Variants in MEGF9 observed in about 807,000 individuals in gnomAD.
MEGF9 encodes multiple epidermal growth factor-like domains protein 9.
Under a neutral mutation model 46.8 loss-of-function variants are expected in MEGF9, and 6 were observed. The observed-to-expected ratio is 0.13, with a 90% CI of 0.07 to 0.25. The LOEUF is 0.25. Among genes scored for constraint, MEGF9 ranks in the 10% least tolerant of loss-of-function variants. The probability of loss-of-function intolerance (pLI) is 1.00; values close to 1 mark genes in which losing one functional copy is unlikely to be tolerated. For missense variants in MEGF9, 683 were observed against 792.4 expected (o/e 0.86, Z 1.66); for synonymous variants, 302 against 330.7 (o/e 0.91, Z 0.94).
At chr9:120,656,452 C>T (rs140964649) in intron 2 of MEGF9, among the ~76,000 whole-genome samples, 264 of 143,186 alleles carry the variant, frequency 1.8e-3, no homozygotes, top group African/African-American at 6.4e-3. Context: ...GAGCCTCAGG[C>T]AGGAGAATGG....
chr9:120,622,575 C>T (rs369808981), intron 3 of MEGF9, 41 bp downstream of exon 3: 29 of 1,606,970 alleles, frequency 1.8e-5, no homozygotes, highest in Non-Finnish European at 2.3e-5. Context: ...ATTAAAAGAA[C>T]AGTGGAATAA....
At chr9:120,662,849 G>C (rs1316501076) in intron 1 of MEGF9, among the ~76,000 whole-genome samples, 1 of 152,216 alleles carries the variant, frequency 6.6e-6, no homozygotes, top group African/African-American at 2.4e-5. Flanking sequence ...CTGGGAAACA[G>C]AATTAGTGGG....
intron 1 of MEGF9, among the ~76,000 whole-genome samples, chr9:120,693,275 CAAAAAAAA>C (rs10633158): frequency 9.6e-6 from 1 of 104,492 alleles, no homozygotes; most frequent in East Asian, 2.7e-4. Context: ...TCTGGTTAAC[CAAAAAAAA>C]AAAAAAAAAA....
At chr9:120,704,609 A>C (rs2043920178) in intron 1 of MEGF9, among the ~76,000 whole-genome samples, 1 of 152,198 alleles carries the variant, frequency 6.6e-6, no homozygotes, top group Non-Finnish European at 1.5e-5. Flanking sequence ...AAAATATCAA[A>C]TCTGAAACCC....
At chr9:120,640,225 T>C (rs1039206912) in intron 2 of MEGF9, among the ~76,000 whole-genome samples, 2 of 152,182 alleles carry the variant, frequency 1.3e-5, no homozygotes, top group African/African-American at 4.8e-5. Flanking sequence ...GACTTTGCTG[T>C]TGCTCAAATA....
intron 1 of MEGF9, among the ~76,000 whole-genome samples, chr9:120,693,411 A>C (rs2043860319): frequency 6.6e-6 from 1 of 152,242 alleles, no homozygotes; most frequent in South Asian, 2.1e-4. Context: ...GTCCCTGAAG[A>C]CCATTTAATC....
intron 2 of MEGF9, among the ~76,000 whole-genome samples, chr9:120,649,704 A>G (rs926770644): frequency 6.6e-6 from 1 of 151,890 alleles, no homozygotes; most frequent in African/African-American, 2.4e-5. Flanking sequence ...TCTTTTTTTG[A>G]TAGTTTGGTG....
chr9:120,675,415 A>G (rs897126457), intron 1 of MEGF9, among the ~76,000 whole-genome samples: 3 of 151,900 alleles, frequency 2.0e-5, no homozygotes, highest in Admixed American at 1.3e-4. Flanking sequence ...GTGAAACCCC[A>G]TCTTTATAAT....
intron 1 of MEGF9, among the ~76,000 whole-genome samples, chr9:120,707,998 C>T (rs531349367): frequency 3.3e-5 from 5 of 151,926 alleles, no homozygotes; most frequent in African/African-American, 1.2e-4. Flanking sequence ...TGAGCCCAGA[C>T]GGTGCCACTG....
At chr9:120,645,633 T>C (rs2043622885) in intron 2 of MEGF9, among the ~76,000 whole-genome samples, 2 of 152,194 alleles carry the variant, frequency 1.3e-5, no homozygotes, top group Admixed American at 1.3e-4. Flanking sequence ...GAGAGAGTAC[T>C]TGACTTTATG....
intron 2 of MEGF9, among the ~76,000 whole-genome samples, chr9:120,624,285 T>C (rs1460316390): frequency 6.6e-6 from 1 of 152,182 alleles, no homozygotes; most frequent in African/African-American, 2.4e-5. Flanking sequence ...TAGGCTGCAG[T>C]GGCGTGATTT....
intron 2 of MEGF9, among the ~76,000 whole-genome samples, chr9:120,639,508 T>TAAAAAAA (rs61638928): frequency 2.9e-5 from 3 of 105,178 alleles, no homozygotes; most frequent in African/African-American, 1.2e-4. Flanking sequence ...ACTCCGTCTT[T>TAAAAAAA]AAAAAAAAAA....
rs1564411899 is a variant in MEGF9, at chr9:120,612,553, A to T, written c.944-14T>A. 1 of 1,591,488 alleles carries T rather than the reference A, an allele frequency of 6.3e-7. No homozygotes were observed. Among genetic ancestry groups the T allele is most frequent in the Non-Finnish European group, 8.5e-7 (1 of 1,171,116 alleles). On this transcript the variant is annotated splice_polypyrimidine_tract_variant and intron_variant, in intron 3 of 5. Coordinates refer to ENST00000373930, the MANE Select transcript of MEGF9 (RefSeq NM_001080497.3). ...TTAAACAAGCACCTAAAAGAAGCAAATTATTTTTAAAAGTTAAAGATTTAC... is the reference window on the plus strand; with the variant it reads ...TTAAACAAGCACCTAAAAGAAGCAATTTATTTTTAAAAGTTAAAGATTTAC...
chr9:120,613,046 A>G (rs2043455976), intron 3 of MEGF9, among the ~76,000 whole-genome samples: 1 of 151,644 alleles, frequency 6.6e-6, no homozygotes, highest in Admixed American at 6.6e-5. Flanking sequence ...TGTGTTGCCC[A>G]GGCTGATACT....
chr9:120,686,985 AG>A (rs1190365972), intron 1 of MEGF9, among the ~76,000 whole-genome samples: 1 of 151,684 alleles, frequency 6.6e-6, no homozygotes, highest in Non-Finnish European at 1.5e-5. Context: ...ATATATATTT[AG>A]ATCAATTCCT....
At chr9:120,611,726 G>T (rs1391788309) in intron 4 of MEGF9, among the ~76,000 whole-genome samples, 1 of 151,674 alleles carries the variant, frequency 6.6e-6, no homozygotes, top group African/African-American at 2.4e-5. Flanking sequence ...ACTGAATTTT[G>T]CATCTTAAAT....
chr9:120,669,603 AG>A (rs1176749321), intron 1 of MEGF9, among the ~76,000 whole-genome samples: 2 of 152,156 alleles, frequency 1.3e-5, no homozygotes, highest in African/African-American at 4.8e-5. Flanking sequence ...TAAGCAGATA[AG>A]AGGTCTGGTC....
chr9:120,659,332 G>T (rs1018366805), intron 2 of MEGF9, 42 bp downstream of exon 2: 10 of 1,554,204 alleles, frequency 6.4e-6, no homozygotes, highest in Admixed American at 5.7e-5. Context: ...TTTTCCCCTT[G>T]CTAAAATAAA....
rs1564410492 is a variant in MEGF9 at position 120,605,429 on chromosome 9, CAAT to C, written c.1567_1569del (p.Ile523del). ...ACAAATCCCATTAGCAGCACCACAA[CAAT>C]GATGATGACTGTCAAAATGATGATG... is the stretch of plus-strand genomic sequence containing the variant. On this transcript the variant is annotated inframe_deletion, in exon 6 of 6. Coordinates refer to ENST00000373930, the MANE Select transcript of MEGF9 (RefSeq NM_001080497.3). This position sits in a 1 kb window ranked among gnomAD's most constrained non-coding sequence, Gnocchi z 4.0. 1.2e-6 allele frequency: 2 copies of C among 1,613,908 alleles called. No individual in the cohort carries two copies. The highest frequency in any genetic ancestry group is 1.7e-6 in the Non-Finnish European group (2 of 1,179,904).
Sources: allele counts gnomAD v4.1 joint callset (sites outside exome capture counted in the v4.1 genomes callset), GRCh38; gene constraint gnomAD v4.1.1; non-coding constraint Gnocchi (gnomAD v3.1); transcripts MANE v1.5; gene names NCBI Gene and HGNC (gene_info 2026-07-23, HGNC 2026-07-21).